ATP8A2: variants seen among roughly 807,000 people sequenced by gnomAD.
The protein encoded by ATP8A2 is phospholipid-transporting ATPase IB.
A neutral mutation model predicts 165.6 loss-of-function variants in ATP8A2; 100 were observed. The observed-to-expected ratio is 0.60, with a 90% CI of 0.51 to 0.71. The LOEUF is 0.71. Among genes scored for constraint, ATP8A2 ranks in the 30% least tolerant of loss-of-function variants. The pLI, the probability that ATP8A2 is intolerant of heterozygous loss-of-function variation, is 0.00. For synonymous variants in ATP8A2, 543 were observed against 548.8 expected (o/e 0.99, Z 0.15); for missense variants, 1,227 against 1,479.5 (o/e 0.83, Z 2.80).
chr13:25,926,606 C>T (rs1263959039), intron 33 of ATP8A2, among the ~76,000 whole-genome samples: 1 of 152,050 alleles, frequency 6.6e-6, no homozygotes, highest in Non-Finnish European at 1.5e-5. Flanking sequence ...ATGAAACATG[C>T]AACAGATCAT....
At chr13:25,727,053 C>G (rs1240541492) in intron 25 of ATP8A2, among the ~76,000 whole-genome samples, 1 of 152,140 alleles carries the variant, frequency 6.6e-6, no homozygotes, top group East Asian at 1.9e-4. Context: ...CCGTCCTTCT[C>G]CATCAGGGGT....
At chr13:25,778,423 A>G (rs2044791511) in intron 27 of ATP8A2, among the ~76,000 whole-genome samples, 1 of 152,230 alleles carries the variant, frequency 6.6e-6, no homozygotes, top group Non-Finnish European at 1.5e-5. Context: ...AAATTATGCA[A>G]TACATGGTTT....
At chr13:25,770,194 T>C (rs2044588802) in intron 26 of ATP8A2, among the ~76,000 whole-genome samples, 1 of 152,158 alleles carries the variant, frequency 6.6e-6, no homozygotes, top group Non-Finnish European at 1.5e-5. Context: ...CCTCCTTGCC[T>C]GGGGACTAGA....
At chr13:25,925,581 G>A (rs1181196435) in intron 33 of ATP8A2, among the ~76,000 whole-genome samples, 1 of 151,972 alleles carries the variant, frequency 6.6e-6, no homozygotes, top group Non-Finnish European at 1.5e-5. Context: ...TTCTTGACAG[G>A]CATTGAACTA....
chr13:25,439,922 T>C (rs896823409), intron 1 of ATP8A2, among the ~76,000 whole-genome samples: 22 of 151,112 alleles, frequency 1.5e-4, no homozygotes, highest in Non-Finnish European at 2.7e-4. Flanking sequence ...AAAAAAAAAT[T>C]AAAAGTTAAC....
At chr13:25,881,609 G>A (rs556012966) in intron 33 of ATP8A2, among the ~76,000 whole-genome samples, 1 of 151,856 alleles carries the variant, frequency 6.6e-6, no homozygotes, top group Non-Finnish European at 1.5e-5. Context: ...GAGAGAGAGA[G>A]AGAAAGAGAG....
At chr13:25,926,294 G>A (rs1207003718) in intron 33 of ATP8A2, among the ~76,000 whole-genome samples, 4 of 152,006 alleles carry the variant, frequency 2.6e-5, no homozygotes, top group East Asian at 1.9e-4. Flanking sequence ...GAGCAGGGTC[G>A]TCTATTTTTC....
At chr13:25,701,904 C>T (rs2042959359) in intron 25 of ATP8A2, among the ~76,000 whole-genome samples, 1 of 152,076 alleles carries the variant, frequency 6.6e-6, no homozygotes, top group Admixed American at 6.6e-5. Context: ...CTGTTACAGT[C>T]TACAAAATGG....
Position 25,377,527 on chromosome 13 carries a change from C to T in ATP8A2, c.76+5239C>T, listed in dbSNP as rs187735387. On this transcript the variant is annotated intron_variant, in intron 1 of 36. Transcript: ENST00000381655. ...GTAAAAGTACCTGGATGGCTGGGCA[C>T]AGTGGCTCATGTCTGCAATCCCAGT... 7.9e-5 allele frequency among the ~76,000 whole-genome samples: 12 copies of T among 152,286 alleles called. No homozygotes were observed. In the East Asian group the frequency reaches 1.9e-3, roughly 25 times the overall value.
Position 25,750,296 on chromosome 13 carries a change from A to G in ATP8A2, c.2385-18750A>G, listed in dbSNP as rs2044126390. Reference sequence around the variant, plus strand: ...AGTCGCTAGAGTTTTCAGGAGACCAAATAAAATAGTACACATCTGTGTGTA... The same window carrying G: ...AGTCGCTAGAGTTTTCAGGAGACCAGATAAAATAGTACACATCTGTGTGTA... On this transcript the variant is annotated intron_variant, in intron 25 of 36. Coordinates refer to ENST00000381655, the MANE Select transcript of ATP8A2 (RefSeq NM_016529.6). The surrounding 1 kb of genome is among the most constrained non-coding windows in gnomAD (Gnocchi z 4.3). 6.6e-6 allele frequency among the ~76,000 whole-genome samples: 1 copy of G among 152,164 alleles called. No homozygotes were observed. Among genetic ancestry groups the G allele is most frequent in the African/African-American group, 2.4e-5 (1 of 41,434 alleles).
At chr13:25,505,636 G>A (rs563558394) in intron 2 of ATP8A2, among the ~76,000 whole-genome samples, 1 of 152,190 alleles carries the variant, frequency 6.6e-6, no homozygotes, top group South Asian at 2.1e-4. Flanking sequence ...CCAGAAAGAC[G>A]TACACATCCC....
chr13:25,717,430 A>T (rs9581438), intron 25 of ATP8A2, among the ~76,000 whole-genome samples: 1 of 151,424 alleles, frequency 6.6e-6, no homozygotes, highest in Non-Finnish European at 1.5e-5. Context: ...AAAAAAAAAA[A>T]AAAAAACACC....
At chr13:25,796,993 C>T (rs184127264) in intron 27 of ATP8A2, among the ~76,000 whole-genome samples, 26 of 152,228 alleles carry the variant, frequency 1.7e-4, no homozygotes, top group African/African-American at 3.1e-4. Context: ...AACAGCCAGG[C>T]GCCATGGCTC....
chr13:25,596,042 G>C (rs1347517090), intron 24 of ATP8A2, among the ~76,000 whole-genome samples: 1 of 152,192 alleles, frequency 6.6e-6, no homozygotes, highest in Admixed American at 6.5e-5. Flanking sequence ...GGCTGCATAT[G>C]TCGGGCTGCT....
intron 33 of ATP8A2, among the ~76,000 whole-genome samples, chr13:25,888,824 GCTC>G (rs1198606928): frequency 6.6e-6 from 1 of 152,112 alleles, no homozygotes; most frequent in Non-Finnish European, 1.5e-5. Context: ...GCACCATTGC[GCTC>G]CAGCCTGGGC....
chr13:25,920,810 G>C (rs1954427599), intron 33 of ATP8A2, among the ~76,000 whole-genome samples: 1 of 152,190 alleles, frequency 6.6e-6, no homozygotes, highest in Non-Finnish European at 1.5e-5. Context: ...AGGGCAGGCT[G>C]GGCCTGCCTG....
chr13:25,992,058 A>G (rs1409156523), intron 35 of ATP8A2, among the ~76,000 whole-genome samples: 3 of 152,056 alleles, frequency 2.0e-5, no homozygotes, highest in African/African-American at 7.2e-5. Flanking sequence ...TTTAAAGTGT[A>G]TAATTCAGTG....
At chr13:25,526,163 C>T (rs1381903175) in intron 2 of ATP8A2, among the ~76,000 whole-genome samples, 1 of 151,982 alleles carries the variant, frequency 6.6e-6, no homozygotes, top group Non-Finnish European at 1.5e-5. Context: ...CTATTTCAAT[C>T]TCTTCATGAA....
At chr13:25,505,095 A>G (rs2036989203) in intron 2 of ATP8A2, among the ~76,000 whole-genome samples, 1 of 151,514 alleles carries the variant, frequency 6.6e-6, no homozygotes, top group Non-Finnish European at 1.5e-5. Context: ...TTGGTTTTAG[A>G]ATTATTGGAT....
Sources: gnomAD v4.1 joint callset for allele counts (sites outside exome capture counted in the v4.1 genomes callset) on GRCh38, gnomAD v4.1.1 for gene constraint, Gnocchi (gnomAD v3.1) non-coding constraint, MANE v1.5 for transcripts, NCBI Gene and HGNC (gene_info 2026-07-23, HGNC 2026-07-21) for gene names.